Variants in MBNL1 observed in about 807,000 individuals in gnomAD.
The protein encoded by MBNL1 is muscleblind-like protein 1.
A neutral mutation model predicts 42.2 loss-of-function variants in MBNL1; 8 were observed. The observed-to-expected ratio is 0.19, with a 90% CI of 0.11 to 0.34. MBNL1 has a LOEUF of 0.34. Ranked by LOEUF, MBNL1 falls within the 10% of genes least tolerant of loss-of-function variation. The pLI, the probability that MBNL1 is intolerant of heterozygous loss-of-function variation, is 1.00. For synonymous variants in MBNL1, 169 were observed against 173.9 expected, an observed-to-expected ratio of 0.97 and a Z score of 0.22; for missense variants, 309 against 495.3, an observed-to-expected ratio of 0.62 and a Z score of 3.57.
At chr3:152,337,523 C>T (rs2091131030) in intron 2 of MBNL1, among the ~76,000 whole-genome samples, 1 of 150,910 alleles carries the variant, frequency 6.6e-6, no homozygotes, top group Non-Finnish European at 1.5e-5. Flanking sequence ...GAGGCTGAGC[C>T]AGGATAATTG....
chr3:152,457,597 CAGAAGCTTGTCA>C (rs1282886372), intron 8 of MBNL1: 1 of 152,426 alleles, frequency 6.6e-6, no homozygotes, highest in Non-Finnish European at 1.5e-5. Flanking sequence ...ATTAATTTTT[CAGAAGCTTGTCA>C]AAATAGCCCT....
chr3:152,275,363 C>T (rs1244055032), intron 1 of MBNL1, among the ~76,000 whole-genome samples: 2 of 152,244 alleles, frequency 1.3e-5, no homozygotes, highest in East Asian at 3.9e-4. Context: ...ATGCCAGGTT[C>T]TGAAGAGATA....
chr3:152,430,584 A>G lies in MBNL1; in HGVS notation c.346-2133A>G, dbSNP rs190893582. Among the ~76,000 whole-genome samples the G allele has an allele frequency of 3.3e-5, 5 of 152,372 alleles. No individual in the cohort carries two copies. In the East Asian group the frequency reaches 5.8e-4, roughly 18 times the overall value. On this transcript the variant is annotated intron_variant, in intron 3 of 9. Transcript: ENST00000324210. ...ATTTTCATATGCAATCTGACAATGTATAACAAAGTACAAGTTTAACCTGAA... is the reference window on the plus strand; with the variant it reads ...ATTTTCATATGCAATCTGACAATGTGTAACAAAGTACAAGTTTAACCTGAA...
chr3:152,283,337 C>A (rs138560888), intron 1 of MBNL1, among the ~76,000 whole-genome samples: 1 of 152,142 alleles, frequency 6.6e-6, no homozygotes, highest in African/African-American at 2.4e-5. Context: ...GATATATACC[C>A]CATCAAGCTT....
At chr3:152,410,941 G>A (rs2153620556) in intron 2 of MBNL1, among the ~76,000 whole-genome samples, 1 of 152,298 alleles carries the variant, frequency 6.6e-6, no homozygotes, top group Admixed American at 6.5e-5. Context: ...AGCAACTGCT[G>A]CTTGTTATTA....
intron 2 of MBNL1, among the ~76,000 whole-genome samples, chr3:152,376,855 A>G (rs1399068397): frequency 1.3e-5 from 2 of 152,110 alleles, no homozygotes; most frequent in Non-Finnish European, 2.9e-5. Flanking sequence ...CTTGGGGAAA[A>G]TGGGTCTCGC....
chr3:152,269,386 A>AG (rs1491469381), intron 1 of MBNL1: 8 of 363,596 alleles, frequency 2.2e-5, no homozygotes, highest in Non-Finnish European at 4.4e-5. Flanking sequence ...AGGGAGAAAC[A>AG]GGGGGGCGAG....
upstream of MBNL1, chr3:152,268,585 G>T (rs1333096079): frequency 2.8e-6 from 1 of 358,776 alleles, no homozygotes; most frequent in Non-Finnish European, 5.5e-6. Flanking sequence ...CCGCCGCGAG[G>T]TTACAATGCT....
chr3:152,353,342 A>G (rs546127509), intron 2 of MBNL1, among the ~76,000 whole-genome samples: 32 of 152,320 alleles, frequency 2.1e-4, no homozygotes, highest in Middle Eastern at 6.8e-3. Context: ...GGGAAATCAA[A>G]CCACCATTTA....
intron 1 of MBNL1, among the ~76,000 whole-genome samples, chr3:152,279,594 T>TA (rs1226505060): frequency 3.9e-5 from 4 of 103,414 alleles, no homozygotes; most frequent in African/African-American, 7.1e-5. Flanking sequence ...CTTGGATTTG[T>TA]AAAAAAAATA....
rs137885457 is a variant in MBNL1 at position 152,447,685 on chromosome 3, C to T, written c.873C>T (p.Ala291=). ...CTGCTCTTGAAAAAACCAACGGTGCCACCGCAGTCTTTAACACTGGTATTT... is the reference window on the plus strand; with the variant it reads ...CTGCTCTTGAAAAAACCAACGGTGCTACCGCAGTCTTTAACACTGGTATTT... ...KRPALEKTNG[A]TAVFNTGIFQ... The change falls in exon 6 of 10, where the codon GCC becomes GCT. Residue 291 remains alanine, a synonymous_variant. Coordinates refer to ENST00000324210, the MANE Select transcript of MBNL1 (RefSeq NM_021038.5). The T allele has an allele frequency of 6.9e-5, 111 of 1,613,642 alleles. No individual in the cohort carries two copies. Among genetic ancestry groups the T allele is most frequent in the Non-Finnish European group, 8.6e-5 (101 of 1,179,752 alleles).
At chr3:152,385,747 A>G (rs2153437058) in intron 2 of MBNL1, among the ~76,000 whole-genome samples, 1 of 152,214 alleles carries the variant, frequency 6.6e-6, no homozygotes, top group Middle Eastern at 3.4e-3. Flanking sequence ...AATCTGGAAA[A>G]TACATGATAG....
At position 152,282,575 on chromosome 3, in the gene MBNL1, A is replaced by C. The variant is rs1255290387; in HGVS notation, c.-790+13483A>C. 2.0e-5 allele frequency among the ~76,000 whole-genome samples: 3 copies of C among 152,170 alleles called. No homozygotes were observed. The East Asian group carries it at 5.8e-4, about 29-fold the overall frequency. On this transcript the variant is annotated intron_variant, in intron 1 of 9. Transcript: ENST00000324210. ...CATAAACAGATAGTAAACAGTTATA[A>C]AATTTAGACATCTCTCAATTTTCAA...
intron 2 of MBNL1, among the ~76,000 whole-genome samples, chr3:152,315,884 T>A (rs113713633): frequency 6.9e-6 from 1 of 145,424 alleles, no homozygotes; most frequent in African/African-American, 2.6e-5. Flanking sequence ...TCTCTCTCTC[T>A]CTCACTCCTC....
intron 6 of MBNL1, among the ~76,000 whole-genome samples, chr3:152,452,467 G>A (rs1725279356): frequency 6.6e-6 from 1 of 152,188 alleles, no homozygotes; most frequent in African/African-American, 2.4e-5. Flanking sequence ...GACAGGCTAT[G>A]CATTCTTCAT....
intron 9 of MBNL1, 68 bp downstream of exon 9, chr3:152,459,413 T>G: frequency 5.9e-6 from 5 of 844,168 alleles, no homozygotes; most frequent in Non-Finnish European, 8.7e-6. Context: ...AATTGTATAG[T>G]GCACTTAAAA....
chr3:152,329,691 T>C (rs1450753964), intron 2 of MBNL1, among the ~76,000 whole-genome samples: 4 of 144,894 alleles, frequency 2.8e-5, no homozygotes, highest in Non-Finnish European at 6.0e-5. Context: ...ATATATCTTA[T>C]ATATTATATA....
At chr3:152,357,386 C>G (rs1447976788) in intron 2 of MBNL1, among the ~76,000 whole-genome samples, 3 of 152,170 alleles carry the variant, frequency 2.0e-5, no homozygotes, top group Non-Finnish European at 2.9e-5. Flanking sequence ...GCCATGATTA[C>G]TTCAAATGGC....
intron 2 of MBNL1, among the ~76,000 whole-genome samples, chr3:152,349,201 T>C (rs1357396157): frequency 3.9e-5 from 6 of 152,102 alleles, no homozygotes; most frequent in Admixed American, 3.9e-4. Context: ...ACTGTACATG[T>C]TTGAAATACT....
Sources: gnomAD v4.1 joint callset for allele counts (sites outside exome capture counted in the v4.1 genomes callset) on GRCh38, gnomAD v4.1.1 for gene constraint, MANE v1.5 for transcripts, NCBI Gene and HGNC (gene_info 2026-07-23, HGNC 2026-07-21) for gene names.